The following PGM2L1 variants were observed in gnomAD, a reference collection of about 807,000 sequenced individuals.
The protein encoded by PGM2L1 is glucose 1,6-bisphosphate synthase.
In PGM2L1, 35 loss-of-function variants were observed where a neutral mutation model predicts 73.4. That is an observed-to-expected ratio of 0.48 (90% CI 0.36 to 0.63). PGM2L1 has a LOEUF of 0.63. Among genes scored for constraint, PGM2L1 ranks in the 30% least tolerant of loss-of-function variants. PGM2L1 has a pLI of 0.00. For missense variants in PGM2L1, 570 were observed against 742.0 expected (o/e 0.77, Z 2.69); for synonymous variants, 225 against 253.8 (o/e 0.89, Z 1.08).
rs768667178 is a variant in PGM2L1, at chr11:74,368,493, T to G, written c.554A>C (p.Lys185Thr). Residue 185 changes from lysine to threonine, a missense_variant and splice_region_variant, in exon 5 of 14, where the codon AAG becomes ACG. By Grantham distance (78) the Lys-to-Thr change is moderately conservative. Transcript: ENST00000298198. ...SHNRKEDNGY[K>T]VYWETGAQIT... ...AAAGGTCAGGAGTCCAAGGTTTACC[T>G]TGTATCCATTGTCTTCCTTGCGGTT... The G allele has an allele frequency of 6.2e-7, 1 of 1,610,152 alleles. No homozygotes were observed. Among genetic ancestry groups the G allele is most frequent in the Non-Finnish European group, 8.5e-7 (1 of 1,176,454 alleles).
chr11:74,336,146 A>G lies in PGM2L1; in HGVS notation c.*506T>C, dbSNP rs969866150. ...TAAATATCCTATTTCAAATACTCTAATTTGTAAATTAATACCTGTGATGTC... is the reference window on the plus strand; with the variant it reads ...TAAATATCCTATTTCAAATACTCTAGTTTGTAAATTAATACCTGTGATGTC... On this transcript the variant is annotated 3_prime_UTR_variant, in exon 14 of 14. Coordinates refer to ENST00000298198, the MANE Select transcript of PGM2L1 (RefSeq NM_173582.6). The G allele has an allele frequency of 6.6e-6, 1 of 152,288 alleles. No homozygotes were observed. The highest frequency in any genetic ancestry group is 1.5e-5 in the Non-Finnish European group (1 of 68,072). 9.4% of individuals were successfully genotyped at this position (152,288 alleles called of 1,614,324 possible). A position where few individuals can be genotyped will look rare whatever the true frequency, so the allele number is the denominator to read the frequency against.
chr11:74,370,965 T>C lies in PGM2L1; in HGVS notation c.408A>G (p.Ala136=). The C allele has an allele frequency of 6.2e-7, 1 of 1,612,928 alleles. No homozygotes were observed. Among genetic ancestry groups the C allele is most frequent in the Non-Finnish European group, 8.5e-7 (1 of 1,179,168 alleles). ...CAGGAACATCTTTGGCCAGCAAGAC[T>C]GCAGCAGTGAGTTTAGCAAGCCTAA... ...SSQRLAKLTA[A]VLLAKDVPVY... The change falls in exon 4 of 14, where the codon GCA becomes GCG. Residue 136 remains alanine (A), a synonymous_variant. Transcript: ENST00000298198.
At chr11:74,387,557 T>C (rs1863035229) in intron 1 of PGM2L1, among the ~76,000 whole-genome samples, 1 of 152,210 alleles carries the variant, frequency 6.6e-6, no homozygotes, top group South Asian at 2.1e-4. Context: ...GCATGCCTCC[T>C]GCTCAGTTTC....
Position 74,351,528 on chromosome 11 carries a change from T to C in PGM2L1, c.604A>G (p.Ile202Val), listed in dbSNP as rs373750019. The change falls in exon 6 of 14, where the codon ATT (isoleucine) becomes GTT (valine). Residue 202 changes from isoleucine to valine, a missense_variant. Physicochemically the swap from Ile to Val is conservative, Grantham distance 29. Transcript: ENST00000298198. ...ACACATTCTTCTATACATTTTAGAA[T>C]TTCTTTATCATGAGGAGATGTGATC... ...AQITSPHDKE[I>V]LKCIEECVEP... 5.6e-6 allele frequency: 9 copies of C among 1,613,120 alleles called. No homozygotes were observed. The African/African-American group carries it at 1.1e-4, about 19-fold the overall frequency.
rs1302488119 is a variant in PGM2L1 at position 74,331,814 on chromosome 11, GCT to G, written c.*4836_*4837del. 1 of 152,182 alleles carries G rather than the reference GCT, an allele frequency of 6.6e-6. No homozygotes were observed. The highest frequency in any genetic ancestry group is 2.4e-5 in the African/African-American group (1 of 41,418). The allele number at this position is 152,182 out of a possible 1,614,324, so 9.4% of individuals were successfully genotyped here. On this transcript the variant is annotated 3_prime_UTR_variant, in exon 14 of 14. Transcript: ENST00000298198. ...TCAGTGGTAGGCTGATTCTGATTTT[GCT>G]CTCAGAACCCCTTCCCCCTTCATCA...
intron 2 of PGM2L1, 65 bp downstream of exon 2, chr11:74,374,350 G>A: frequency 7.4e-7 from 1 of 1,357,910 alleles, no homozygotes; most frequent in Non-Finnish European, 9.9e-7. Flanking sequence ...CCAAACTGCT[G>A]GGATTACAGG....
At position 74,336,488 on chromosome 11, in the gene PGM2L1, C is replaced by G. The variant is rs1862097206; in HGVS notation, c.*164G>C. On this transcript the variant is annotated 3_prime_UTR_variant, in exon 14 of 14. Transcript: ENST00000298198. ...TAGACCATTTCATTTCAAACTTATA[C>G]TTTGTTTAGTCTAGCCAGTTGACCA... 5 of 412,788 alleles carry G rather than the reference C, an allele frequency of 1.2e-5. No homozygotes were observed. The highest frequency in any genetic ancestry group is 2.1e-5 in the Non-Finnish European group (5 of 233,666). 25.6% of individuals were successfully genotyped at this position (412,788 alleles called of 1,614,324 possible). A position where few individuals can be genotyped will look rare whatever the true frequency, so the allele number is the denominator to read the frequency against.
intron 5 of PGM2L1, chr11:74,354,472 T>G (rs1474819480): frequency 1.0e-6 from 1 of 986,452 alleles, no homozygotes; most frequent in Non-Finnish European, 1.6e-6. Flanking sequence ...CTAAAGAGCC[T>G]GAACAGCTGA....
chr11:74,398,281 C>T lies in PGM2L1; in HGVS notation c.-120G>A, dbSNP rs1863213646. 1.5e-6 allele frequency: 2 copies of T among 1,377,576 alleles called. No individual in the cohort carries two copies. The highest frequency in any genetic ancestry group is 1.9e-6 in the Non-Finnish European group (2 of 1,055,624). The allele number at this position is 1,377,576 out of a possible 1,614,324, so 85.3% of individuals were successfully genotyped here. A position where few individuals can be genotyped will look rare whatever the true frequency, so the allele number is the denominator to read the frequency against. ...CCACCTCACTGAAGGGCATCGGAGA[C>T]CAACCGCAGGGTGTTCGTAACAGCT... On this transcript the variant is annotated 5_prime_UTR_variant, in exon 1 of 14. Coordinates refer to ENST00000298198, the MANE Select transcript of PGM2L1 (RefSeq NM_173582.6).
chr11:74,381,689 C>T (rs1236055781), intron 1 of PGM2L1, among the ~76,000 whole-genome samples: 1 of 150,792 alleles, frequency 6.6e-6, no homozygotes, highest in Admixed American at 6.6e-5. Context: ...AGTGATCCTC[C>T]TGCCTTGGCC....
chr11:74,342,645 C>A lies in PGM2L1; in HGVS notation c.1448G>T (p.Gly483Val). 6.4e-7 allele frequency: 1 copy of A among 1,564,076 alleles called. No homozygotes were observed. Among genetic ancestry groups the A allele is most frequent in the Non-Finnish European group, 8.7e-7 (1 of 1,154,478 alleles). The change falls in exon 12 of 14, where the codon GGT becomes GTT. Residue 483 changes from glycine (G) to valine (V), a missense_variant. Physicochemically the swap from Gly to Val is moderately radical, Grantham distance 109 (BLOSUM62 -3). Transcript: ENST00000298198. ...QQLVKVYEKY[G>V]YHISKTSYFL... Reference sequence around the variant, plus strand: ...ATAGGAAGTTTTTGAAATATGATAACCATATCTGTGCAAAGATTCAAAGTG... The same window carrying A: ...ATAGGAAGTTTTTGAAATATGATAAACATATCTGTGCAAAGATTCAAAGTG...
At chr11:74,366,155 T>A (rs1318457898) in intron 5 of PGM2L1, among the ~76,000 whole-genome samples, 1 of 148,088 alleles carries the variant, frequency 6.8e-6, no homozygotes, top group East Asian at 2.0e-4. Flanking sequence ...AGGTGGGAAT[T>A]GAACAATGAG....
At chr11:74,355,682 G>A in intron 5 of PGM2L1, 1 of 511,470 alleles carries the variant, frequency 2.0e-6, no homozygotes, top group South Asian at 1.4e-5. Flanking sequence ...GGCTATGGTG[G>A]TTCCAATAGC....
intron 7 of PGM2L1, 112 bp downstream of exon 7, chr11:74,347,036 A>T (rs1024902002): frequency 1.9e-6 from 2 of 1,032,854 alleles, no homozygotes; most frequent in African/African-American, 3.2e-5. Flanking sequence ...CAATTAAAAG[A>T]TGTAAACTAC....
chr11:74,361,645 CT>C (rs899244439), intron 5 of PGM2L1, among the ~76,000 whole-genome samples: 1 of 152,082 alleles, frequency 6.6e-6, no homozygotes, highest in African/African-American at 2.4e-5. Context: ...AGCTAAAAAC[CT>C]TGAAAAAATA....
chr11:74,336,650 C>T lies in PGM2L1; in HGVS notation c.*2G>A. ...ACAGTGTCATGACATATTGGTGTAC[C>T]CCTAAACAGAACGCCAGATCAGTCC... is the stretch of plus-strand genomic sequence containing the variant. On this transcript the variant is annotated 3_prime_UTR_variant, in exon 14 of 14. Transcript: ENST00000298198. 1 of 1,592,064 alleles carries T rather than the reference C, an allele frequency of 6.3e-7. No individual in the cohort carries two copies. The highest frequency in any genetic ancestry group is 8.6e-7 in the Non-Finnish European group (1 of 1,162,774).
intron 1 of PGM2L1, among the ~76,000 whole-genome samples, chr11:74,394,118 G>C (rs922144703): frequency 1.3e-5 from 2 of 152,166 alleles, no homozygotes; most frequent in Non-Finnish European, 2.9e-5. Context: ...TGGTAGGACA[G>C]TCCCATTGTG....
In PGM2L1 at chr11:74,369,494, G is replaced by C. The variant is rs540878826; in HGVS notation, c.472-919C>G. Among the ~76,000 whole-genome samples the C allele has an allele frequency of 2.6e-5, 4 of 152,238 alleles. No individual in the cohort carries two copies. The South Asian group carries it at 8.3e-4, about 32-fold the overall frequency. On this transcript the variant is annotated intron_variant, in intron 4 of 13. Coordinates refer to ENST00000298198, the MANE Select transcript of PGM2L1 (RefSeq NM_173582.6). ...GAAGGGGAACACATGGATTAAACGAGGAACGAGGCTGTAATGAGAAGGATG... is the reference window on the plus strand; with the variant it reads ...GAAGGGGAACACATGGATTAAACGACGAACGAGGCTGTAATGAGAAGGATG...
intron 8 of PGM2L1, 139 bp downstream of exon 8, chr11:74,346,593 T>A: frequency 3.4e-6 from 2 of 592,430 alleles, no homozygotes; most frequent in South Asian, 2.9e-5. Context: ...TCAACTTAGG[T>A]GGTTATTTTG....
Sources: allele counts gnomAD v4.1 joint callset (sites outside exome capture counted in the v4.1 genomes callset), GRCh38; gene constraint gnomAD v4.1.1; transcripts MANE v1.5; gene names NCBI Gene and HGNC (gene_info 2026-07-23, HGNC 2026-07-21).